ALDH1A3: variants seen among roughly 807,000 people sequenced by gnomAD.
The protein encoded by ALDH1A3 is retinaldehyde dehydrogenase 3.
ALDH1A3 carries 28 observed loss-of-function variants against 57.5 expected under a neutral mutation model. The observed-to-expected ratio is 0.49, with a 90% CI of 0.36 to 0.67. The LOEUF (loss-of-function observed/expected upper bound fraction) is 0.67. ALDH1A3 is among the 30% of genes least tolerant of loss of function. The pLI is 0.00. For synonymous variants in ALDH1A3, 281 were observed against 264.8 expected (o/e 1.06, Z -0.59); for missense variants, 507 against 669.4 (o/e 0.76, Z 2.68).
At chr15:100,910,975 G>A (rs902823557) in intron 12 of ALDH1A3, among the ~76,000 whole-genome samples, 2 of 152,146 alleles carry the variant, frequency 1.3e-5, no homozygotes, top group Admixed American at 6.5e-5. Context: ...ACACCCCCTC[G>A]CCTGGCACAG....
intron 4 of ALDH1A3, 39 bp from the exon 5 acceptor site, chr15:100,892,906 A>G (rs776103489): frequency 6.2e-7 from 1 of 1,605,974 alleles, no homozygotes; most frequent in Non-Finnish European, 8.5e-7. Context: ...ACCTGGACTA[A>G]GTGAGTGTGT....
intron 6 of ALDH1A3, chr15:100,895,437 A>T: frequency 6.4e-6 from 1 of 157,100 alleles, no homozygotes; most frequent in Admixed American, 6.1e-5. Flanking sequence ...GCGACAGAGC[A>T]AGACTCCATC....
intron 7 of ALDH1A3, 101 bp downstream of exon 7, chr15:100,896,147 C>A: frequency 1.0e-6 from 1 of 985,898 alleles, no homozygotes; most frequent in Non-Finnish European, 1.5e-6. Flanking sequence ...TGTTTTTCTT[C>A]TAAATTTGAC....
chr15:100,905,579 A>T lies in ALDH1A3; in HGVS notation c.1125A>T (p.Glu375Asp). The change falls in exon 10 of 13, where the codon GAA becomes GAT. Residue 375 changes from glutamate to aspartate, a missense_variant. Glu to Asp is a conservative substitution (Grantham distance 45). Transcript: ENST00000329841. ...ILELIESGKKEGAKLECGGSA... is the reference protein window; with the variant it reads ...ILELIESGKKDGAKLECGGSA... ...AGCTGATCGAGAGTGGGAAGAAGGA[A>T]GGGGCCAAGCTGGAATGCGGGGGCT... The T allele has an allele frequency of 6.2e-7, 1 of 1,614,168 alleles. No individual in the cohort carries two copies.
chr15:100,885,408 A>G, intron 2 of ALDH1A3, 37 bp downstream of exon 2: 1 of 1,445,424 alleles, frequency 6.9e-7, no homozygotes, highest in Non-Finnish European at 9.7e-7. Flanking sequence ...AAGTAATTCA[A>G]TTATGGATGA....
chr15:100,905,720 C>A (rs199716125), intron 10 of ALDH1A3, 33 bp downstream of exon 10: 6 of 1,501,448 alleles, frequency 4.0e-6, no homozygotes, highest in Non-Finnish European at 5.3e-6. Flanking sequence ...CTACGACTTG[C>A]GGGGCCTTTC....
At chr15:100,904,339 T>C (rs1448857024) in intron 9 of ALDH1A3, among the ~76,000 whole-genome samples, 1 of 152,120 alleles carries the variant, frequency 6.6e-6, no homozygotes, top group Non-Finnish European at 1.5e-5. Flanking sequence ...TGGTATAAAG[T>C]GTGAGGTATG....
chr15:100,898,106 T>C lies in ALDH1A3; in HGVS notation c.804T>C (p.Ala268=). The part of the protein sequence containing the change: ...STEVGKLVKE[A]ASRSNLKRVT... ...AGGTTGGAAAACTGGTTAAAGAAGC[T>C]GCGTCCCGGAGCAATCTGAAGCGGG... is the stretch of plus-strand genomic sequence containing the variant. The change falls in exon 8 of 13, where the codon GCT becomes GCC. Residue 268 remains alanine, a synonymous_variant. Coordinates refer to ENST00000329841, the MANE Select transcript of ALDH1A3 (RefSeq NM_000693.4). 3 of 1,614,078 alleles carry C rather than the reference T, an allele frequency of 1.9e-6. No homozygotes were observed. The highest frequency in any genetic ancestry group is 1.1e-5 in the South Asian group (1 of 91,034).
chr15:100,885,797 A>T (rs921625520), intron 2 of ALDH1A3, among the ~76,000 whole-genome samples: 1 of 152,190 alleles, frequency 6.6e-6, no homozygotes, highest in African/African-American at 2.4e-5. Flanking sequence ...TTGAAGGAAA[A>T]AAAATAGTTG....
At chr15:100,905,322 C>T (rs929015846) in intron 9 of ALDH1A3, among the ~76,000 whole-genome samples, 15 of 152,202 alleles carry the variant, frequency 9.9e-5, no homozygotes, top group Admixed American at 2.0e-4. Flanking sequence ...TCTATCTCCC[C>T]ATCTCTCCCC....
Position 100,898,110 on chromosome 15 carries a change from T to C in ALDH1A3, c.808T>C (p.Ser270Pro). ...TGGAAAACTGGTTAAAGAAGCTGCG[T>C]CCCGGAGCAATCTGAAGCGGGTGAC... ...EVGKLVKEAA[S>P]RSNLKRVTLE... Residue 270 changes from serine to proline, a missense_variant, in exon 8 of 13, where the codon TCC becomes CCC. Ser to Pro is a moderately conservative substitution (Grantham distance 74). Coordinates refer to ENST00000329841, the MANE Select transcript of ALDH1A3 (RefSeq NM_000693.4). 1 of 1,614,144 alleles carries C rather than the reference T, an allele frequency of 6.2e-7. No homozygotes were observed. The highest frequency in any genetic ancestry group is 8.5e-7 in the Non-Finnish European group (1 of 1,179,996).
intron 8 of ALDH1A3, among the ~76,000 whole-genome samples, chr15:100,900,308 T>C (rs990547192): frequency 2.6e-5 from 4 of 152,186 alleles, no homozygotes; most frequent in South Asian, 4.1e-4. Context: ...GTGCTATGAC[T>C]CTCTGGACTT....
intron 10 of ALDH1A3, among the ~76,000 whole-genome samples, chr15:100,905,945 T>C (rs2041818452): frequency 6.6e-6 from 1 of 152,154 alleles, no homozygotes; most frequent in African/African-American, 2.4e-5. Flanking sequence ...TTTTCACTCA[T>C]GGCTCACCCT....
chr15:100,884,359 TA>T (rs1308305530), intron 1 of ALDH1A3, among the ~76,000 whole-genome samples: 7 of 152,246 alleles, frequency 4.6e-5, no homozygotes, highest in African/African-American at 1.7e-4. Context: ...ATGTTCTTCT[TA>T]GTCTGCTCAT....
At chr15:100,892,775 C>T (rs1358079696) in intron 4 of ALDH1A3, 136 bp downstream of exon 4, 37 of 1,377,152 alleles carry the variant, frequency 2.7e-5, no homozygotes, top group Non-Finnish European at 3.7e-5. Flanking sequence ...ACTGCCAATT[C>T]TTCTTCTAAG....
chr15:100,891,428 A>G lies in ALDH1A3; in HGVS notation c.346-1082A>G, dbSNP rs183235768. ...GCTGCCCTGCAGTCTTTCCAGACAC[A>G]CCTGTCCAGGAGCAGCCTGTAAAGG... On this transcript the variant is annotated intron_variant, in intron 3 of 12. Coordinates refer to ENST00000329841, the MANE Select transcript of ALDH1A3 (RefSeq NM_000693.4). 1.0e-3 allele frequency among the ~76,000 whole-genome samples: 154 copies of G among 152,282 alleles called. 4 individuals are homozygous for G. In the East Asian group the frequency reaches 0.019, roughly 18 times the overall value.
At chr15:100,888,290 G>C (rs1366952593) in intron 3 of ALDH1A3, among the ~76,000 whole-genome samples, 1 of 151,938 alleles carries the variant, frequency 6.6e-6, no homozygotes, top group Non-Finnish European at 1.5e-5. Flanking sequence ...ACAGAGACAG[G>C]GTTTCATCAT....
In ALDH1A3 at chr15:100,914,734, GA is replaced by G. The variant is rs1567176152; in HGVS notation, c.1504del (p.Thr502LeufsTer37). On this transcript the variant is annotated frameshift_variant, in exon 13 of 13. Coordinates refer to ENST00000329841, the MANE Select transcript of ALDH1A3 (RefSeq NM_000693.4). LOFTEE classifies it high-confidence loss of function. ...EYALAEYTEVKTVTIKLGDKN... is the reference protein window; with the variant it reads ...EYALAEYTEVXTVTIKLGDKN... ...ACGCTTTGGCCGAATACACAGAAGT[GA>G]AAACTGTCACCATCAAACTTGGCGA... 1 of 1,614,124 alleles carries G rather than the reference GA, an allele frequency of 6.2e-7. No homozygotes were observed. Among genetic ancestry groups the G allele is most frequent in the Non-Finnish European group, 8.5e-7 (1 of 1,180,012 alleles).
intron 12 of ALDH1A3, among the ~76,000 whole-genome samples, chr15:100,910,926 C>T (rs2041877055): frequency 6.6e-6 from 1 of 152,214 alleles, no homozygotes; most frequent in South Asian, 2.1e-4. Context: ...TCATTGCAAC[C>T]TTCCCTCTTG....
Sources: gnomAD v4.1 joint callset for allele counts (sites outside exome capture counted in the v4.1 genomes callset) on GRCh38, gnomAD v4.1.1 for gene constraint, MANE v1.5 for transcripts, NCBI Gene and HGNC (gene_info 2026-07-23, HGNC 2026-07-21) for gene names.